The following STYX variants were observed in gnomAD, a reference collection of about 807,000 sequenced individuals.
The protein encoded by STYX is serine/threonine/tyrosine-interacting protein.
A neutral mutation model predicts 42.7 loss-of-function variants in STYX; 20 were observed. The observed-to-expected ratio is 0.47, with a 90% CI of 0.33 to 0.68. The LOEUF (loss-of-function observed/expected upper bound fraction) is 0.68. Ranked by LOEUF, STYX falls within the 30% of genes least tolerant of loss-of-function variation. The probability of loss-of-function intolerance (pLI) is 0.02; values close to 1 mark genes in which losing one functional copy is unlikely to be tolerated. For missense variants in STYX, 226 were observed against 268.5 expected (o/e 0.84, Z 1.11); for synonymous variants, 78 against 81.9 (o/e 0.95, Z 0.26).
chr14:52,756,331 G>A (rs970356635), intron 4 of STYX, among the ~76,000 whole-genome samples: 1 of 152,048 alleles, frequency 6.6e-6, no homozygotes. Flanking sequence ...CCAGCCTGAT[G>A]GATTTTTTAA....
At chr14:52,767,600 G>T (rs1882356483) in intron 9 of STYX, among the ~76,000 whole-genome samples, 1 of 152,072 alleles carries the variant, frequency 6.6e-6, no homozygotes, top group South Asian at 2.1e-4. Context: ...ATTTACCCAA[G>T]AATAAAATTG....
intron 10 of STYX, among the ~76,000 whole-genome samples, chr14:52,770,437 A>T (rs539365098): frequency 1.2e-4 from 18 of 152,196 alleles, no homozygotes; most frequent in African/African-American, 3.8e-4. Context: ...TTTCTTGATT[A>T]TAACTTTTGG....
intron 1 of STYX, among the ~76,000 whole-genome samples, chr14:52,737,113 G>T (rs1422739682): frequency 6.6e-6 from 1 of 151,912 alleles, no homozygotes; most frequent in Non-Finnish European, 1.5e-5. Context: ...TTTTAGTATT[G>T]TGTATATAGG....
At chr14:52,758,131 G>A (rs573917554) in intron 8 of STYX, among the ~76,000 whole-genome samples, 19 of 152,152 alleles carry the variant, frequency 1.2e-4, no homozygotes, top group African/African-American at 4.6e-4. Flanking sequence ...GAAATCCTAT[G>A]GAAAACTACT....
At chr14:52,740,173 A>T (rs928606665) in intron 1 of STYX, among the ~76,000 whole-genome samples, 2 of 152,116 alleles carry the variant, frequency 1.3e-5, no homozygotes, top group Non-Finnish European at 2.9e-5. Context: ...GCTACTCAGG[A>T]GGCTGAGGCA....
rs1882531497 is a variant in STYX at position 52,772,044 on chromosome 14, A to C, written c.*938A>C. ...TTCTAAATGAAGCCCCAAAAAAGAA[A>C]AGTGCCTTGCATCATTTAAAAAAAA... On this transcript the variant is annotated 3_prime_UTR_variant, in exon 11 of 11. Coordinates refer to ENST00000354586, the MANE Select transcript of STYX (RefSeq NM_145251.4). 6.6e-6 allele frequency: 1 copy of C among 152,490 alleles called. No homozygotes were observed. The highest frequency in any genetic ancestry group is 1.5e-5 in the Non-Finnish European group (1 of 67,942). 9.4% of individuals were successfully genotyped at this position (152,490 alleles called of 1,614,324 possible). A position where few individuals can be genotyped will look rare whatever the true frequency, so the allele number is the denominator to read the frequency against.
intron 2 of STYX, 136 bp from the exon 3 acceptor site, chr14:52,746,289 TA>T (rs1197165548): frequency 3.4e-6 from 2 of 586,162 alleles, no homozygotes; most frequent in African/African-American, 2.0e-5. Flanking sequence ...AAAAAAAGAT[TA>T]AAAAAATAGA....
intron 1 of STYX, among the ~76,000 whole-genome samples, chr14:52,741,783 A>T (rs1301180722): frequency 6.6e-6 from 1 of 152,014 alleles, no homozygotes; most frequent in African/African-American, 2.4e-5. Context: ...ATTTCTACAT[A>T]TTCTGTGTTT....
intron 1 of STYX, among the ~76,000 whole-genome samples, chr14:52,733,768 G>T (rs1880830859): frequency 6.6e-6 from 1 of 152,146 alleles, no homozygotes; most frequent in Admixed American, 6.5e-5. Context: ...AGCTGTCCAG[G>T]TTCTTGGCGT....
chr14:52,755,716 AGAT>A (rs1881838256), intron 4 of STYX, among the ~76,000 whole-genome samples: 1 of 149,398 alleles, frequency 6.7e-6, no homozygotes, highest in Non-Finnish European at 1.5e-5. Flanking sequence ...CCTTTACTAA[AGAT>A]GAGTTCAAAC....
chr14:52,752,252 A>G (rs553344743), intron 4 of STYX, among the ~76,000 whole-genome samples: 1 of 151,726 alleles, frequency 6.6e-6, no homozygotes, highest in Non-Finnish European at 1.5e-5. Context: ...GTGGATCACG[A>G]GGTCGAGATT....
In STYX at chr14:52,774,076, G is replaced by A. The variant is rs2139949204; in HGVS notation, c.*2970G>A. On this transcript the variant is annotated 3_prime_UTR_variant, in exon 11 of 11. Transcript: ENST00000354586. ...CATGTTAATTTCTTACCTGTTAGATGTTTAAACTGCAGTGACCTTTACTTG... is the reference window on the plus strand; with the variant it reads ...CATGTTAATTTCTTACCTGTTAGATATTTAAACTGCAGTGACCTTTACTTG... 1 of 152,248 alleles carries A rather than the reference G, an allele frequency of 6.6e-6. No individual in the cohort carries two copies. The highest frequency in any genetic ancestry group is 2.1e-4 in the South Asian group (1 of 4,828). 9.4% of individuals were successfully genotyped at this position (152,248 alleles called of 1,614,324 possible). A position where few individuals can be genotyped will look rare whatever the true frequency, so the allele number is the denominator to read the frequency against.
At chr14:52,767,850 T>C (rs958709832) in intron 9 of STYX, among the ~76,000 whole-genome samples, 3 of 152,168 alleles carry the variant, frequency 2.0e-5, no homozygotes, top group Non-Finnish European at 2.9e-5. Context: ...CCTCAGGTGA[T>C]TCTCATGTAT....
intron 1 of STYX, among the ~76,000 whole-genome samples, chr14:52,743,758 G>C (rs1250259034): frequency 6.6e-6 from 1 of 152,032 alleles, no homozygotes; most frequent in African/African-American, 2.4e-5. Context: ...TAATAATTCT[G>C]AGTTTTAAGC....
intron 8 of STYX, 91 bp downstream of exon 8, chr14:52,758,015 C>G: frequency 7.2e-7 from 1 of 1,383,552 alleles, no homozygotes; most frequent in South Asian, 1.3e-5. Context: ...AGTTCTTATT[C>G]CCCTGATTAT....
In STYX at chr14:52,730,391, T is replaced by C. The variant is rs1880642964; in HGVS notation, c.-84T>C. Reference sequence around the variant, plus strand: ...AGCCCTCCGCTCCGCCGGCCCTCCTTCCTTCCGCCGCCGCAGCCAGCCCGA... The same window carrying C: ...AGCCCTCCGCTCCGCCGGCCCTCCTCCCTTCCGCCGCCGCAGCCAGCCCGA... On this transcript the variant is annotated 5_prime_UTR_variant, in exon 1 of 11. Coordinates refer to ENST00000354586, the MANE Select transcript of STYX (RefSeq NM_145251.4). The C allele has an allele frequency of 6.7e-7, 1 of 1,481,702 alleles. No homozygotes were observed. The allele number at this position is 1,481,702 out of a possible 1,614,324, so 91.8% of individuals were successfully genotyped here.
intron 2 of STYX, among the ~76,000 whole-genome samples, chr14:52,745,972 G>A (rs1384622409): frequency 6.6e-6 from 1 of 151,882 alleles, no homozygotes; most frequent in Non-Finnish European, 1.5e-5. Context: ...TAGTATCTAG[G>A]GTATGATATA....
Position 52,750,676 on chromosome 14 carries a change from T to C in STYX, c.145-7T>C. 1 of 1,530,246 alleles carries C rather than the reference T, an allele frequency of 6.5e-7. No individual in the cohort carries two copies. The highest frequency in any genetic ancestry group is 8.8e-7 in the Non-Finnish European group (1 of 1,134,664). 94.8% of individuals were successfully genotyped at this position (1,530,246 alleles called of 1,614,324 possible). On this transcript the variant is annotated splice_region_variant and splice_polypyrimidine_tract_variant and intron_variant, in intron 3 of 10. Coordinates refer to ENST00000354586, the MANE Select transcript of STYX (RefSeq NM_145251.4). ...CCTGTCCTCCCCCTGCTTTTTTTTT[T>C]ATACAGCTACCTGTACTACAGAAAC...
chr14:52,746,591 G>C, intron 3 of STYX, 112 bp downstream of exon 3: 1 of 848,374 alleles, frequency 1.2e-6, no homozygotes, highest in Non-Finnish European at 1.8e-6. Context: ...AATACTGTCT[G>C]TTAACAGTAA....
Sources: gnomAD v4.1 joint callset for allele counts (sites outside exome capture counted in the v4.1 genomes callset) on GRCh38, gnomAD v4.1.1 for gene constraint, MANE v1.5 for transcripts, NCBI Gene and HGNC (gene_info 2026-07-23, HGNC 2026-07-21) for gene names.